Variants in TSPAN11 observed in about 807,000 individuals in gnomAD.
TSPAN11 encodes tetraspanin 11.
Under a neutral mutation model 32.9 loss-of-function variants are expected in TSPAN11, and 29 were observed. The ratio of observed to expected loss-of-function variants is 0.88; its 90% CI spans 0.66 to 1.20. The LOEUF is 1.20. TSPAN11 is among the 50% of genes most tolerant of loss of function. The pLI, the probability that TSPAN11 is intolerant of heterozygous loss-of-function variation, is 0.00. For missense variants in TSPAN11, 283 were observed against 329.1 expected (o/e 0.86, Z 1.08); for synonymous variants, 140 against 141.3 (o/e 0.99, Z 0.07).
At chr12:30,998,506 C>T (rs1939446289), downstream of TSPAN11, among the ~76,000 whole-genome samples, 1 of 152,252 alleles carries the variant, frequency 6.6e-6, no homozygotes, top group Non-Finnish European at 1.5e-5. Flanking sequence ...TGACAAGCCC[C>T]TATTTCCTTT....
intron 1 of TSPAN11, among the ~76,000 whole-genome samples, chr12:30,953,295 C>G (rs926239416): frequency 2.0e-5 from 3 of 152,124 alleles, no homozygotes; most frequent in Non-Finnish European, 4.4e-5. Flanking sequence ...ATTATTATCC[C>G]CATTTACAGA....
At chr12:30,988,686 G>C (rs976678049) in intron 7 of TSPAN11, 1 of 152,174 alleles carries the variant, frequency 6.6e-6, no homozygotes, top group Non-Finnish European at 1.5e-5. Flanking sequence ...TCTGTGCACG[G>C]GTATTTTTAA....
chr12:30,981,265 C>T (rs555316188), intron 5 of TSPAN11, among the ~76,000 whole-genome samples: 10 of 152,314 alleles, frequency 6.6e-5, no homozygotes, highest in East Asian at 3.9e-4. Flanking sequence ...GGCCAGCACC[C>T]GGCCCTCCAG....
intron 2 of TSPAN11, among the ~76,000 whole-genome samples, chr12:30,959,765 G>A (rs1000875208): frequency 3.6e-5 from 5 of 140,580 alleles, no homozygotes; most frequent in African/African-American, 1.4e-4. Context: ...GCGCGACCGA[G>A]TGAGACTCTG....
intron 3 of TSPAN11, among the ~76,000 whole-genome samples, chr12:30,968,735 G>A (rs1938788298): frequency 3.3e-5 from 5 of 152,122 alleles, no homozygotes. Flanking sequence ...TCTATTTAGG[G>A]GATGGATAAA....
chr12:30,955,012 G>A (rs1938452032), intron 2 of TSPAN11: 1 of 152,196 alleles, frequency 6.6e-6, no homozygotes, highest in Admixed American at 6.5e-5. Context: ...TCTCAGAAAG[G>A]CAAATGCAGA....
Position 30,983,026 on chromosome 12 carries a change from C to T in TSPAN11, c.616-38C>T, listed in dbSNP as rs748842637. The T allele has an allele frequency of 1.6e-5, 26 of 1,597,256 alleles. No homozygotes were observed. In the African/African-American group the frequency reaches 2.3e-4, roughly 14 times the overall value. ...CCCTCCGTCCCCACCCATGCCTGCT[C>T]CTGGGCCATGGCCGCATCACCTGCC... On this transcript the variant is annotated intron_variant, in intron 6 of 7. Coordinates refer to ENST00000546076, the MANE Select transcript of TSPAN11 (RefSeq NM_001370302.1).
chr12:30,989,131 G>C (rs149293996), intron 7 of TSPAN11, among the ~76,000 whole-genome samples: 1 of 152,190 alleles, frequency 6.6e-6, no homozygotes, highest in Non-Finnish European at 1.5e-5. Flanking sequence ...GCAGAGTGCC[G>C]TCCCTTCTCC....
chr12:31,001,242 C>T (rs2140321543), downstream of TSPAN11, among the ~76,000 whole-genome samples: 1 of 152,350 alleles, frequency 6.6e-6, no homozygotes, highest in Admixed American at 6.5e-5. Context: ...AGTCCCGCTT[C>T]ACCCTCTGTG....
intron 1 of TSPAN11, among the ~76,000 whole-genome samples, chr12:30,953,502 T>C (rs1327391891): frequency 6.6e-6 from 1 of 152,090 alleles, no homozygotes; most frequent in African/African-American, 2.4e-5. Context: ...GACTGGGTGA[T>C]CACTGGGGCC....
At chr12:31,015,214 T>C in the TSPAN11 span, among the ~76,000 whole-genome samples, 1 of 152,222 alleles carries the variant, frequency 6.6e-6, no homozygotes, top group Non-Finnish European at 1.5e-5. This position sits in a 1 kb window ranked among gnomAD's most constrained non-coding sequence, Gnocchi z 4.9. Flanking sequence ...CTGCACAGCG[T>C]TGCTTTACAC....
At position 30,975,065 on chromosome 12, in the gene TSPAN11, G is replaced by A. The variant is rs368894434; in HGVS notation, c.277-3496G>A. 2.0e-5 allele frequency among the ~76,000 whole-genome samples: 3 copies of A among 152,356 alleles called. No individual in the cohort carries two copies. The highest frequency in any genetic ancestry group is 4.1e-4 in the South Asian group (2 of 4,830). ...CAGGGCAAAGGCCCAAAGGCTGGAC[G>A]CTTGGCCTGTGTGAAGAGAACTGTG... On this transcript the variant is annotated intron_variant, in intron 3 of 7. Transcript: ENST00000546076. The surrounding 1 kb of genome is among the most constrained non-coding windows in gnomAD (Gnocchi z 4.5).
intron 2 of TSPAN11, among the ~76,000 whole-genome samples, chr12:30,957,229 C>CCG (rs1938498171): frequency 4.6e-5 from 1 of 21,584 alleles, no homozygotes; most frequent in Non-Finnish European, 9.0e-5. Context: ...TGGCCTGGGA[C>CCG]CCCCCCCCCC....
intron 7 of TSPAN11, among the ~76,000 whole-genome samples, chr12:30,986,442 A>T (rs1011803739): frequency 1.3e-5 from 2 of 152,212 alleles, no homozygotes; most frequent in Non-Finnish European, 1.5e-5. Flanking sequence ...CCAGTACATA[A>T]ACCATAGGAG....
intron 3 of TSPAN11, among the ~76,000 whole-genome samples, chr12:30,972,485 T>C (rs1214605267): frequency 6.6e-6 from 1 of 151,808 alleles, no homozygotes; most frequent in Non-Finnish European, 1.5e-5. Context: ...AGCCAATAAG[T>C]AGAACACAAA....
At chr12:30,944,689 G>A (rs981071980) in intron 1 of TSPAN11, among the ~76,000 whole-genome samples, 1 of 152,166 alleles carries the variant, frequency 6.6e-6, no homozygotes, top group Non-Finnish European at 1.5e-5. Context: ...AAGACTGTTT[G>A]GTCTTTTAAA....
chr12:30,984,289 C>A (rs1056396114), intron 7 of TSPAN11, among the ~76,000 whole-genome samples: 4 of 152,220 alleles, frequency 2.6e-5, no homozygotes, highest in Non-Finnish European at 5.9e-5. Flanking sequence ...TCCTAGGTAA[C>A]CTTGAGCTAC....
chr12:30,930,156 C>T (rs1269851240), intron 1 of TSPAN11, among the ~76,000 whole-genome samples: 2 of 152,098 alleles, frequency 1.3e-5, no homozygotes, highest in African/African-American at 4.8e-5. Context: ...GGTTTATACT[C>T]ACAAGATGGC....
the TSPAN11 span, among the ~76,000 whole-genome samples, chr12:31,009,490 G>A: frequency 6.6e-6 from 1 of 152,214 alleles, no homozygotes; most frequent in Non-Finnish European, 1.5e-5. Flanking sequence ...TGGGCACAGA[G>A]GGAATCTCGT....
Sources: gnomAD v4.1 joint callset for allele counts (sites outside exome capture counted in the v4.1 genomes callset) on GRCh38, gnomAD v4.1.1 for gene constraint, Gnocchi (gnomAD v3.1) non-coding constraint, MANE v1.5 for transcripts, NCBI Gene and HGNC (gene_info 2026-07-23, HGNC 2026-07-21) for gene names.